Variants in PALM observed in about 807,000 individuals in gnomAD.
PALM encodes the protein paralemmin, also known as paralemmin-1.
Under a neutral mutation model 30.7 loss-of-function variants are expected in PALM, and 18 were observed. The observed-to-expected ratio is 0.59, with a 90% CI of 0.41 to 0.87. PALM has a LOEUF of 0.87. PALM is among the 40% of genes least tolerant of loss of function. The probability of loss-of-function intolerance (pLI) is 0.00; values close to 1 mark genes in which losing one functional copy is unlikely to be tolerated. For missense variants in PALM, 529 were observed against 555.4 expected (o/e 0.95, Z 0.48); for synonymous variants, 286 against 242.8 (o/e 1.18, Z -1.66).
chr19:710,672 C>T (rs2032048168), intron 1 of PALM, among the ~76,000 whole-genome samples: 1 of 74,852 alleles, frequency 1.3e-5, no homozygotes, highest in African/African-American at 6.3e-5. Flanking sequence ...ACCCCCCCTC[C>T]ATCACACAGC....
chr19:740,523 C>T, intron 8 of PALM, 40 bp downstream of exon 8: 3 of 1,527,364 alleles, frequency 2.0e-6, no homozygotes, highest in Non-Finnish European at 2.7e-6. Flanking sequence ...CCACCTGGGC[C>T]AGAGCCCCGA....
chr19:720,372 A>G (rs191353432), intron 1 of PALM, among the ~76,000 whole-genome samples: 1,898 of 59,128 alleles, frequency 0.032, 1 homozygote, highest in East Asian at 0.098. Flanking sequence ...GGGGGCGTCC[A>G]GGCCCGGGGA....
chr19:710,960 C>T (rs1303834175), intron 1 of PALM, among the ~76,000 whole-genome samples: 7 of 152,228 alleles, frequency 4.6e-5, no homozygotes, highest in African/African-American at 7.2e-5. Context: ...GCTTCAGGCA[C>T]GAAGGCCCCG....
intron 1 of PALM, chr19:711,154 A>G: frequency 2.1e-6 from 2 of 973,304 alleles, no homozygotes; most frequent in Non-Finnish European, 2.4e-6. Context: ...GTGAGGATTT[A>G]AGGAGAACTA....
In PALM at chr19:734,369, G is replaced by T. The variant is rs540628545; in HGVS notation, c.442+175G>T. The T allele has an allele frequency of 4.9e-6, 3 of 611,330 alleles. No homozygotes were observed. The East Asian group carries it at 8.4e-5, about 17-fold the overall frequency. The allele number at this position is 611,330 out of a possible 1,614,324, so 37.9% of individuals were successfully genotyped here. On this transcript the variant is annotated intron_variant, in intron 6 of 8. Transcript: ENST00000338448. ...GAGGTCAGGAGTTCGAGACCAGCCT[G>T]ACCAACATGGCGAAACTCAGTGTCT...
intron 4 of PALM, among the ~76,000 whole-genome samples, chr19:730,687 G>C (rs2032842189): frequency 6.6e-6 from 1 of 152,220 alleles, no homozygotes; most frequent in Non-Finnish European, 1.5e-5. Context: ...GCCTCTTGGG[G>C]CTGCCTGGGA....
chr19:721,529 G>A (rs1599142451), intron 1 of PALM, among the ~76,000 whole-genome samples: 2 of 152,206 alleles, frequency 1.3e-5, no homozygotes, highest in South Asian at 2.1e-4. Flanking sequence ...GCCTCCCGAA[G>A]TGCTAGGATT....
Position 747,474 on chromosome 19 carries a change from C to G in PALM, c.*660C>G, listed in dbSNP as rs999803898. On this transcript the variant is annotated 3_prime_UTR_variant, in exon 9 of 9. Coordinates refer to ENST00000338448, the MANE Select transcript of PALM (RefSeq NM_002579.3). ...AGGGGGAACCCCGGGGACATGCCCC[C>G]ACCCGGGAGGGGCCGGTAACCCCTG... is the stretch of plus-strand genomic sequence containing the variant. The G allele has an allele frequency of 6.5e-6, 1 of 153,272 alleles. No homozygotes were observed. The highest frequency in any genetic ancestry group is 1.5e-5 in the Non-Finnish European group (1 of 68,800). 9.5% of individuals were successfully genotyped at this position (153,272 alleles called of 1,614,324 possible).
intron 7 of PALM, 73 bp downstream of exon 7, chr19:736,151 G>A: frequency 9.1e-7 from 1 of 1,098,720 alleles, no homozygotes. Context: ...CGGGGGGCCG[G>A]GTGGGGCGGG....
At chr19:712,824 T>C (rs1284965858) in intron 1 of PALM, among the ~76,000 whole-genome samples, 8 of 151,870 alleles carry the variant, frequency 5.3e-5, no homozygotes, top group South Asian at 2.1e-4. Flanking sequence ...TACAGGTGCC[T>C]GCCACCACGC....
At position 709,784 on chromosome 19, in the gene PALM, G is replaced by A. The variant is rs1014450021; in HGVS notation, c.5+633G>A. ...GGGAGAGGAACCGGCGTTTTCCAGC[G>A]GGGCGCCTGGGTGGGATACCCTCTC... On this transcript the variant is annotated intron_variant, in intron 1 of 8. Coordinates refer to ENST00000338448, the MANE Select transcript of PALM (RefSeq NM_002579.3). The surrounding 1 kb of genome is among the most constrained non-coding windows in gnomAD (Gnocchi z 4.3). Among the ~76,000 whole-genome samples the A allele has an allele frequency of 5.2e-4, 79 of 152,182 alleles. No individual in the cohort carries two copies. The highest frequency in any genetic ancestry group is 1.0e-3 in the Non-Finnish European group (69 of 68,016).
At chr19:713,452 G>A (rs1430360873) in intron 1 of PALM, among the ~76,000 whole-genome samples, 1 of 152,182 alleles carries the variant, frequency 6.6e-6, no homozygotes, top group African/African-American at 2.4e-5. Context: ...TAGGGGTAGA[G>A]GAAGGGCAGG....
intron 4 of PALM, among the ~76,000 whole-genome samples, chr19:728,035 G>A (rs572210241): frequency 1.8e-3 from 219 of 121,640 alleles, no homozygotes; most frequent in African/African-American, 7.6e-3. Context: ...ACGTGACGTC[G>A]AGCTCGTGGG....
In PALM at chr19:742,981, C is replaced by T. The variant is rs1050854010; in HGVS notation, c.634+2498C>T. 6.6e-6 allele frequency among the ~76,000 whole-genome samples: 1 copy of T among 152,062 alleles called. No individual in the cohort carries two copies. The highest frequency in any genetic ancestry group is 2.1e-4 in the South Asian group (1 of 4,816). ...CTCCGTGAGGACCTGCTGTTTTCCA[C>T]GGAGGCTGCACCGTCCCGTTCCCAC... On this transcript the variant is annotated intron_variant, in intron 8 of 8. Transcript: ENST00000338448. The surrounding 1 kb of genome is among the most constrained non-coding windows in gnomAD (Gnocchi z 5.5).
chr19:719,722 A>G lies in PALM; in HGVS notation c.6-6416A>G, dbSNP rs545823214. On this transcript the variant is annotated intron_variant, in intron 1 of 8. Transcript: ENST00000338448. ...ACCCCTGCGCCGGGGTCCTGGTCCC[A>G]GCCTCGCCGATCACACGGGAATGAG... 2.0e-3 allele frequency: 1,458 copies of G among 741,614 alleles called. 21 individuals carry two copies. The African/African-American group carries it at 0.025, about 13-fold the overall frequency. 45.9% of individuals were successfully genotyped at this position (741,614 alleles called of 1,614,324 possible).
chr19:711,132 T>C (rs1568216438), intron 1 of PALM: 2 of 919,886 alleles, frequency 2.2e-6, no homozygotes, highest in African/African-American at 1.8e-5. Context: ...GAACAGGTTA[T>C]TTTTTGTTAA....
chr19:735,197 AGGTG>A (rs2032988210), intron 6 of PALM: 1 of 93,748 alleles, frequency 1.1e-5, no homozygotes, highest in Non-Finnish European at 2.0e-5. Flanking sequence ...CTGGGGGCCC[AGGTG>A]CCTGTGTCCT....
chr19:727,877 A>G (rs1451939315), intron 4 of PALM, 183 bp downstream of exon 4: 5 of 610,326 alleles, frequency 8.2e-6, no homozygotes, highest in Non-Finnish European at 1.1e-5. Context: ...TGGGGCATCC[A>G]CCTGGGTCTG....
At chr19:735,089 A>G (rs887618876) in intron 6 of PALM, 2 of 980,254 alleles carry the variant, frequency 2.0e-6, no homozygotes, top group South Asian at 4.3e-5. Context: ...GGGATTTTCT[A>G]GGGGTTGCGG....
Sources: gnomAD v4.1 joint callset for allele counts (sites outside exome capture counted in the v4.1 genomes callset) on GRCh38, gnomAD v4.1.1 for gene constraint, Gnocchi (gnomAD v3.1) non-coding constraint, MANE v1.5 for transcripts, NCBI Gene and HGNC (gene_info 2026-07-23, HGNC 2026-07-21) for gene names.